The following TUBA3D variants were observed in gnomAD, a reference collection of about 807,000 sequenced individuals.
TUBA3D encodes tubulin alpha 3d.
TUBA3D carries 24 observed loss-of-function variants against 36.1 expected under a neutral mutation model. That is an observed-to-expected ratio of 0.66 (90% confidence interval 0.48 to 0.93). The LOEUF (loss-of-function observed/expected upper bound fraction) is 0.93. TUBA3D is among the 40% of genes least tolerant of loss of function. TUBA3D has a pLI of 0.00. For missense variants in TUBA3D, 356 were observed against 614.5 expected (o/e 0.58, Z 4.45); for synonymous variants, 185 against 247.2 (o/e 0.75, Z 2.36).
In TUBA3D at chr2:131,480,467, C is replaced by T. The variant is rs145361350; in HGVS notation, c.774C>T (p.Asn258=). 2.5e-6 allele frequency: 4 copies of T among 1,588,232 alleles called. No homozygotes were observed. The highest frequency in any genetic ancestry group is 3.4e-6 in the Non-Finnish European group (4 of 1,171,630). ...LNVDLTEFQT[N]LVPYPRIHFP... is the part of the protein sequence containing the mutation. ...TGGACTTGACGGAATTCCAGACCAA[C>T]CTAGTGCCGTACCCCCGCATCCACT... The change falls in exon 4 of 5, where the codon AAC becomes AAT. Residue 258 remains asparagine (N), a synonymous_variant. Coordinates refer to ENST00000321253, the MANE Select transcript of TUBA3D (RefSeq NM_080386.4).
In TUBA3D at chr2:131,479,313, G is replaced by A. The variant is rs141689125; in HGVS notation, c.232G>A (p.Val78Met). 439 of 1,613,890 alleles carry A rather than the reference G, an allele frequency of 2.7e-4. No homozygotes were observed. Among genetic ancestry groups the A allele is most frequent in the Non-Finnish European group, 3.5e-4 (414 of 1,179,838 alleles). Reference sequence around the variant, plus strand: ...ACACACTGTCTCTTTTGCAGATGAAGTGCGCACAGGGACCTACAGGCAGCT... The same window carrying A: ...ACACACTGTCTCTTTTGCAGATGAAATGCGCACAGGGACCTACAGGCAGCT... The part of the protein sequence containing the change: ...VDLEPTVVDE[V>M]RTGTYRQLFH... The change falls in exon 3 of 5, where the codon GTG becomes ATG. Residue 78 changes from valine to methionine, a missense_variant. Physicochemically the swap from Val to Met is conservative, Grantham distance 21. Coordinates refer to ENST00000321253, the MANE Select transcript of TUBA3D (RefSeq NM_080386.4).
At chr2:131,480,893 A>T in intron 4 of TUBA3D, 144 bp downstream of exon 4, 1 of 1,224,730 alleles carries the variant, frequency 8.2e-7, no homozygotes, top group Non-Finnish European at 1.1e-6. Flanking sequence ...CAGAGTTGAT[A>T]ATTGATTCAG....
rs1678802050 is a variant in TUBA3D at position 131,480,067 on chromosome 2, A to G, written c.376-2A>G. On this transcript the variant is annotated splice_acceptor_variant, in intron 3 of 4. Coordinates refer to ENST00000321253, the MANE Select transcript of TUBA3D (RefSeq NM_080386.4). LOFTEE classifies it high-confidence loss of function. ...TGGCTCACGTTGTGTGGTTTCTCTC[A>G]GGCGGATCTGTGCACAGGACTGCAG... is the stretch of plus-strand genomic sequence containing the variant. The G allele has an allele frequency of 6.3e-7, 1 of 1,576,814 alleles. No individual in the cohort carries two copies. Among genetic ancestry groups the G allele is most frequent in the African/African-American group, 1.4e-5 (1 of 73,340 alleles).
At chr2:131,478,408 G>C in intron 2 of TUBA3D, 22 bp downstream of exon 2, 1 of 1,591,970 alleles carries the variant, frequency 6.3e-7, no homozygotes, top group Middle Eastern at 1.8e-4. Context: ...GGCACTGGAT[G>C]GCAGCTTTCC....
rs1314945368 is a variant in TUBA3D, at chr2:131,480,500, G to A, written c.807G>A (p.Leu269=). ...LVPYPRIHFP[L]ATYAPVISAE... Reference sequence around the variant, plus strand: ...CGTACCCCCGCATCCACTTCCCCCTGGCCACCTATGCCCCAGTCATCTCAG... The same window carrying A: ...CGTACCCCCGCATCCACTTCCCCCTAGCCACCTATGCCCCAGTCATCTCAG... Residue 269 remains leucine, a synonymous_variant, in exon 4 of 5, where the codon CTG becomes CTA. Coordinates refer to ENST00000321253, the MANE Select transcript of TUBA3D (RefSeq NM_080386.4). 6.3e-7 allele frequency: 1 copy of A among 1,590,816 alleles called. No homozygotes were observed. Among genetic ancestry groups the A allele is most frequent in the Non-Finnish European group, 8.5e-7 (1 of 1,172,548 alleles).
intron 4 of TUBA3D, among the ~76,000 whole-genome samples, 159 bp downstream of exon 4, chr2:131,480,908 TTC>T (rs1252997559): frequency 4.0e-5 from 6 of 151,832 alleles, no homozygotes; most frequent in Non-Finnish European, 7.4e-5. Context: ...ATTCAGTGAT[TTC>T]TTTTTTTTTT....
chr2:131,476,953 G>A (rs1678691757), intron 1 of TUBA3D, among the ~76,000 whole-genome samples: 1 of 143,774 alleles, frequency 7.0e-6, no homozygotes, highest in Admixed American at 6.7e-5. Flanking sequence ...AAAAAAAGCA[G>A]CCCATTAACA....
In TUBA3D at chr2:131,479,444, G is replaced by T. The variant is rs1395136133; in HGVS notation, c.363G>T (p.Arg121=). ...AGATTGTTGACCTAGTCCTGGACCG[G>T]ATCCGCAAACTGGTAAGAAGAGAAG... ...GKEIVDLVLD[R]IRKLADLCTG... Residue 121 remains arginine, a synonymous_variant, in exon 3 of 5, where the codon CGG becomes CGT. Coordinates refer to ENST00000321253, the MANE Select transcript of TUBA3D (RefSeq NM_080386.4). The T allele has an allele frequency of 1.2e-6, 2 of 1,613,996 alleles. No individual in the cohort carries two copies. Among genetic ancestry groups the T allele is most frequent in the Non-Finnish European group, 1.7e-6 (2 of 1,180,022 alleles).
intron 1 of TUBA3D, 133 bp from the exon 2 acceptor site, chr2:131,478,031 C>T (rs1422874937): frequency 2.4e-6 from 3 of 1,253,368 alleles, no homozygotes; most frequent in South Asian, 3.1e-5. Flanking sequence ...CACTAACCCT[C>T]CTAGGAAATA....
intron 4 of TUBA3D, among the ~76,000 whole-genome samples, chr2:131,481,144 TCTGC>T (rs1331724620): frequency 6.6e-6 from 1 of 152,210 alleles, no homozygotes; most frequent in Admixed American, 6.5e-5. Context: ...CCTCAGGTGA[TCTGC>T]CTGCCTCAGC....
chr2:131,481,171 T>C (rs1362630999), intron 4 of TUBA3D, among the ~76,000 whole-genome samples: 10 of 152,104 alleles, frequency 6.6e-5, no homozygotes, highest in Admixed American at 6.6e-4. Context: ...CCCAAAGTGC[T>C]GGGATTACAG....
At position 131,480,668 on chromosome 2, in the gene TUBA3D, C is replaced by T. The variant is rs2104725870; in HGVS notation, c.975C>T (p.Pro325=). ...CCMLYRGDVV[P]KDVNAAIATI... is the part of the protein sequence containing the mutation. ...TGTTGTACAGGGGGGACGTGGTCCC[C>T]AAAGACGTCAACGCGGCCATCGCCA... Residue 325 remains proline, a synonymous_variant, in exon 4 of 5, where the codon CCC becomes CCT. Coordinates refer to ENST00000321253, the MANE Select transcript of TUBA3D (RefSeq NM_080386.4). 1 of 1,613,878 alleles carries T rather than the reference C, an allele frequency of 6.2e-7. No homozygotes were observed. Among genetic ancestry groups the T allele is most frequent in the Non-Finnish European group, 8.5e-7 (1 of 1,180,028 alleles).
intron 1 of TUBA3D, 93 bp from the exon 2 acceptor site, chr2:131,478,071 A>C (rs1382448703): frequency 6.7e-7 from 1 of 1,498,646 alleles, no homozygotes; most frequent in Non-Finnish European, 8.9e-7. Flanking sequence ...ATACTGAAGC[A>C]GTATATAAAT....
At chr2:131,477,981 G>T (rs905264596) in intron 1 of TUBA3D, among the ~76,000 whole-genome samples, 183 bp from the exon 2 acceptor site, 7 of 152,240 alleles carry the variant, frequency 4.6e-5, no homozygotes, top group Middle Eastern at 3.4e-3. Flanking sequence ...AGCTAGTATG[G>T]TTTACAGCAA....
chr2:131,476,310 A>T (rs1678665016), intron 1 of TUBA3D, 108 bp downstream of exon 1: 1 of 1,585,834 alleles, frequency 6.3e-7, no homozygotes, highest in African/African-American at 1.4e-5. Flanking sequence ...GAGGCCAGAG[A>T]AGGACGCAGG....
Position 131,482,834 on chromosome 2 carries a change from G to C in TUBA3D, c.1339G>C (p.Gly447Arg). 1 of 1,614,008 alleles carries C rather than the reference G, an allele frequency of 6.2e-7. No individual in the cohort carries two copies. The highest frequency in any genetic ancestry group is 8.5e-7 in the Non-Finnish European group (1 of 1,179,902). ...TTCCGTGGAAGCTGAGGCTGAAGAA[G>C]GCGAAGAATACTGAGGGGAGGGTGT... ...VDSVEAEAEE[G>R]EEY is the part of the protein sequence containing the mutation. Residue 447 changes from glycine to arginine, a missense_variant, in exon 5 of 5, where the codon GGC becomes CGC. By Grantham distance (125) the Gly-to-Arg change is moderately radical. Around this residue, in one of 3 missense-constraint regions of TUBA3D, gnomAD observed 156 missense variants for 219.8 expected, o/e 0.71. Coordinates refer to ENST00000321253, the MANE Select transcript of TUBA3D (RefSeq NM_080386.4).
Position 131,476,291 on chromosome 2 carries a change from C to T in TUBA3D, c.3+89C>T, listed in dbSNP as rs1485685658. ...AGAGGGACGTTGTTGCGGGCCTGGG[C>T]GCTGAGAGGAGGCCAGAGAAGGACG... On this transcript the variant is annotated intron_variant, in intron 1 of 4. Transcript: ENST00000321253. 55 of 1,602,406 alleles carry T rather than the reference C, an allele frequency of 3.4e-5. No individual in the cohort carries two copies. The Middle Eastern group carries it at 5.9e-4, about 17-fold the overall frequency.
chr2:131,476,234 G>T (rs1678662584), intron 1 of TUBA3D, 32 bp downstream of exon 1: 1 of 1,613,740 alleles, frequency 6.2e-7, no homozygotes, highest in African/African-American at 1.3e-5. Flanking sequence ...CCCCGCAGAT[G>T]CCCAGGCAGA....
In TUBA3D at chr2:131,480,740, T is replaced by C; in HGVS notation, c.1047T>C (p.Thr349=). Residue 349 remains threonine, a synonymous_variant, in exon 4 of 5, where the codon ACT becomes ACC. Transcript: ENST00000321253. ...RTIQFVDWCP[T]GFKVGINYQP... is the part of the protein sequence containing the mutation. ...TCCAGTTTGTGGATTGGTGCCCGAC[T>C]GGATTTAAGGTATGACTGGGTGATG... is the stretch of plus-strand genomic sequence containing the variant. 6.2e-7 allele frequency: 1 copy of C among 1,610,934 alleles called. No homozygotes were observed. Among genetic ancestry groups the C allele is most frequent in the South Asian group, 1.1e-5 (1 of 90,898 alleles).
Sources: gnomAD v4.1 joint callset for allele counts (sites outside exome capture counted in the v4.1 genomes callset) on GRCh38, gnomAD v4.1.1 for gene constraint, gnomAD v4.1.1 regional missense constraint, MANE v1.5 for transcripts, NCBI Gene and HGNC (gene_info 2026-07-23, HGNC 2026-07-21) for gene names.